Variants in PSEN2 observed in about 807,000 individuals in gnomAD.
PSEN2 encodes the protein presenilin-2.
Under a neutral mutation model 49.1 loss-of-function variants are expected in PSEN2, and 32 were observed. That is an observed-to-expected ratio of 0.65 (90% confidence interval 0.49 to 0.88). PSEN2 has a LOEUF of 0.88. Among genes scored for constraint, PSEN2 ranks in the 40% least tolerant of loss-of-function variants. The probability of loss-of-function intolerance (pLI) is 0.00; values close to 1 mark genes in which losing one functional copy is unlikely to be tolerated. For synonymous variants in PSEN2, 255 were observed against 244.0 expected, an observed-to-expected ratio of 1.05 and a Z score of -0.42; for missense variants, 522 against 586.9, an observed-to-expected ratio of 0.89 and a Z score of 1.14.
At chr1:226,893,970 G>A (rs1558153957) in intron 11 of PSEN2, 37 bp from the exon 12 acceptor site, 2 of 1,527,438 alleles carry the variant, frequency 1.3e-6, no homozygotes, top group African/African-American at 1.4e-5. Context: ...TTCTGTGCAC[G>A]CCTCTTCAGT....
At chr1:226,873,992 C>T (rs975660996) in intron 2 of PSEN2, among the ~76,000 whole-genome samples, 1 of 152,130 alleles carries the variant, frequency 6.6e-6, no homozygotes, top group African/African-American at 2.4e-5. Context: ...CTCCCCATGC[C>T]CATATGTGGG....
At chr1:226,874,949 G>C (rs1009610189) in intron 2 of PSEN2, among the ~76,000 whole-genome samples, 1 of 152,160 alleles carries the variant, frequency 6.6e-6, no homozygotes, top group Non-Finnish European at 1.5e-5. Context: ...AGAGGGGCGT[G>C]CTAGGGGCTC....
intron 5 of PSEN2, chr1:226,884,538 C>CT (rs35353885): frequency 0.19 from 27,800 of 143,882 alleles, 2,834 homozygotes; most frequent in South Asian, 0.27. Context: ...CTTCTGTAAA[C>CT]TTTTTTTTTT....
rs767577993 is a variant in PSEN2 at position 226,883,740 on chromosome 1, C to T, written c.177C>T (p.Asp59=). Residue 59 remains aspartate (D), a synonymous_variant, in exon 5 of 13, where the codon GAC becomes GAT. Transcript: ENST00000366783. ...AGAACGAGGAGGACGGTGAGGAGGA[C>T]CCTGACCGCTATGTCTGTAGTGGGG... The part of the protein sequence containing the change: ...SQENEEDGEE[D]PDRYVCSGVP... 55 of 1,614,032 alleles carry T rather than the reference C, an allele frequency of 3.4e-5. No individual in the cohort carries two copies. Among genetic ancestry groups the T allele is most frequent in the Non-Finnish European group, 4.7e-5 (55 of 1,180,050 alleles).
rs114982010 is a variant in PSEN2, at chr1:226,871,409, G to A, written c.-207+5G>A. 1 of 152,374 alleles carries A rather than the reference G, an allele frequency of 6.6e-6. No individual in the cohort carries two copies. Among genetic ancestry groups the A allele is most frequent in the Non-Finnish European group, 1.5e-5 (1 of 68,066 alleles). 9.4% of individuals were successfully genotyped at this position (152,374 alleles called of 1,614,324 possible). The stretch of plus-strand genomic sequence containing the variant: ...ACTTTTCCCAAGGTCGCCCAGGTAC[G>A]ATATAGCAGAGCCAGGCTTCGACCC... On this transcript the variant is annotated splice_donor_5th_base_variant and intron_variant, in intron 2 of 12. Transcript: ENST00000366783.
intron 3 of PSEN2, among the ~76,000 whole-genome samples, chr1:226,881,169 A>G (rs115752022): frequency 0.014 from 2,137 of 152,170 alleles, 38 homozygotes; most frequent in African/African-American, 0.04. Context: ...TCTGGGGGTC[A>G]CTTTCCCTCT....
chr1:226,893,585 G>C (rs1661902689), intron 11 of PSEN2, among the ~76,000 whole-genome samples: 1 of 152,166 alleles, frequency 6.6e-6, no homozygotes, highest in African/African-American at 2.4e-5. Flanking sequence ...GTTCTTCAGA[G>C]GACCTCTGTC....
At chr1:226,886,829 T>C (rs1443388620) in intron 6 of PSEN2, among the ~76,000 whole-genome samples, 1 of 152,112 alleles carries the variant, frequency 6.6e-6, no homozygotes, top group African/African-American at 2.4e-5. Context: ...CAGCTGGGCA[T>C]TGTGGTGCAC....
chr1:226,876,870 C>T, intron 3 of PSEN2, among the ~76,000 whole-genome samples: 1 of 152,186 alleles, frequency 6.6e-6, no homozygotes, highest in East Asian at 1.9e-4. Flanking sequence ...CAGGTAGTGA[C>T]TGAGACCCAG....
chr1:226,887,782 G>A (rs573164088), intron 6 of PSEN2, among the ~76,000 whole-genome samples: 1 of 152,264 alleles, frequency 6.6e-6, no homozygotes, highest in South Asian at 2.1e-4. Flanking sequence ...CTAGAACAGT[G>A]CCTGGCAAGT....
intron 9 of PSEN2, chr1:226,890,503 C>T (rs1661672630): frequency 3.1e-6 from 1 of 326,450 alleles, no homozygotes; most frequent in East Asian, 7.7e-5. Context: ...CAAGGAGCTT[C>T]TGGGCTTCCT....
rs758985161 is a variant in PSEN2 at position 226,885,556 on chromosome 1, T to C, written c.375T>C (p.Thr125=). The change falls in exon 6 of 13, where the codon ACT becomes ACC. Residue 125 remains threonine (T), a synonymous_variant. Coordinates refer to ENST00000366783, the MANE Select transcript of PSEN2 (RefSeq NM_000447.3). ...CCCTCAGCATCTACACGCCATTCACTGAGGACACACCCTCGGTGGGCCAGC... is the reference window on the plus strand; with the variant it reads ...CCCTCAGCATCTACACGCCATTCACCGAGGACACACCCTCGGTGGGCCAGC... The part of the protein sequence containing the change: ...KNGQLIYTPF[T]EDTPSVGQRL... The C allele has an allele frequency of 1.6e-5, 26 of 1,613,902 alleles. No homozygotes were observed. The South Asian group carries it at 2.9e-4, about 18-fold the overall frequency.
At chr1:226,899,205 C>T (rs1360761718), downstream of PSEN2, 1 of 152,212 alleles carries the variant, frequency 6.6e-6, no homozygotes, top group African/African-American at 2.4e-5. Context: ...CTTCCCTACC[C>T]TCAAGGTTTT....
chr1:226,895,494 C>A lies in PSEN2; in HGVS notation c.1262C>A (p.Thr421Lys). Residue 421 changes from threonine (T) to lysine (K), a missense_variant, in exon 13 of 13, where the codon ACG becomes AAG. By Grantham distance (78) the Thr-to-Lys change is moderately conservative (BLOSUM62 -1). Transcript: ENST00000366783. ...CTGCCCGCCCTCCCCATCTCCATCACGTTCGGGCTCATCTTTTACTTCTCC... is the reference window on the plus strand; with the variant it reads ...CTGCCCGCCCTCCCCATCTCCATCAAGTTCGGGCTCATCTTTTACTTCTCC... ...KALPALPISI[T>K]FGLIFYFSTD... is the part of the protein sequence containing the mutation. The A allele has an allele frequency of 6.2e-7, 1 of 1,614,052 alleles. No homozygotes were observed. Among genetic ancestry groups the A allele is most frequent in the Non-Finnish European group, 8.5e-7 (1 of 1,180,004 alleles).
chr1:226,896,168 T>G (rs1662137815), downstream of PSEN2: 2 of 162,286 alleles, frequency 1.2e-5, no homozygotes, highest in Non-Finnish European at 2.7e-5. Context: ...GGATAACTTG[T>G]GCTGTGAGCC....
intron 11 of PSEN2, among the ~76,000 whole-genome samples, chr1:226,893,754 G>A (rs1661913675): frequency 6.6e-6 from 1 of 152,186 alleles, no homozygotes; most frequent in African/African-American, 2.4e-5. Flanking sequence ...GGTTTTACCT[G>A]AGTTTCAGAA....
chr1:226,882,527 G>T (rs539693192), intron 4 of PSEN2, among the ~76,000 whole-genome samples: 1 of 152,314 alleles, frequency 6.6e-6, no homozygotes, highest in Admixed American at 6.5e-5. Flanking sequence ...GGAGGAGATT[G>T]TAACGTTAGA....
intron 5 of PSEN2, chr1:226,884,496 C>T (rs907124304): frequency 2.0e-5 from 3 of 152,644 alleles, no homozygotes; most frequent in Non-Finnish European, 2.9e-5. Context: ...CTTCTTCCCC[C>T]TCCCCTTTCT....
intron 9 of PSEN2, chr1:226,891,067 G>A (rs1051857023): frequency 1.8e-5 from 11 of 595,334 alleles, no homozygotes; most frequent in African/African-American, 1.7e-4. Context: ...TTTAGGAGGG[G>A]AGACAAACAG....
Sources: allele counts gnomAD v4.1 joint callset (sites outside exome capture counted in the v4.1 genomes callset), GRCh38; gene constraint gnomAD v4.1.1; transcripts MANE v1.5; gene names NCBI Gene and HGNC (gene_info 2026-07-23, HGNC 2026-07-21).